The following TRAPPC12 variants were observed in gnomAD, a reference collection of about 807,000 sequenced individuals.
TRAPPC12 encodes the protein trafficking protein particle complex subunit 12.
A neutral mutation model predicts 69.2 loss-of-function variants in TRAPPC12; 61 were observed. That is an observed-to-expected ratio of 0.88 (90% CI 0.72 to 1.09). The LOEUF is 1.09. Ranked by LOEUF, TRAPPC12 falls within the 50% of genes least tolerant of loss-of-function variation. The pLI, the probability that TRAPPC12 is intolerant of heterozygous loss-of-function variation, is 0.00. For missense variants in TRAPPC12, 1,101 were observed against 1,016.4 expected (o/e 1.08, Z -1.13); for synonymous variants, 469 against 438.9 (o/e 1.07, Z -0.86).
At chr2:3,442,375 G>T (rs565959604) in intron 5 of TRAPPC12, among the ~76,000 whole-genome samples, 17 of 152,274 alleles carry the variant, frequency 1.1e-4, no homozygotes, top group African/African-American at 3.4e-4. Context: ...GAAGTGACGT[G>T]GCTTACATAT....
Position 3,386,950 on chromosome 2 carries a change from C to T in TRAPPC12, c.-4-670C>T, listed in dbSNP as rs542825175. Among the ~76,000 whole-genome samples, 15 of 152,182 alleles carry T rather than the reference C, an allele frequency of 9.9e-5. No homozygotes were observed. The South Asian group carries it at 2.9e-3, about 29-fold the overall frequency. On this transcript the variant is annotated intron_variant, in intron 1 of 11. Transcript: ENST00000324266. ...TGGTGGGAATGACAAACGGTTCAGCCACTATGAAAAACAGTTTTTTGGTGC... is the reference window on the plus strand; with the variant it reads ...TGGTGGGAATGACAAACGGTTCAGCTACTATGAAAAACAGTTTTTTGGTGC...
At chr2:3,457,471 G>GT in intron 6 of TRAPPC12, 150 bp from the exon 7 acceptor site, 1 of 644,046 alleles carries the variant, frequency 1.6e-6, no homozygotes, top group East Asian at 2.8e-5. Flanking sequence ...AATATCAAAT[G>GT]TTTTAATATT....
At chr2:3,447,693 C>T (rs1434057681) in intron 6 of TRAPPC12, among the ~76,000 whole-genome samples, 1 of 152,144 alleles carries the variant, frequency 6.6e-6, no homozygotes, top group African/African-American at 2.4e-5. Context: ...TATCATAGTG[C>T]AAAATCTAAA....
rs989152254 is a variant in TRAPPC12, at chr2:3,430,398, A to C, written c.1417+5735A>C. 3.3e-5 allele frequency among the ~76,000 whole-genome samples: 5 copies of C among 152,346 alleles called. 1 individual carries two copies. The highest frequency in any genetic ancestry group is 6.8e-3 in the Middle Eastern group (2 of 294). On this transcript the variant is annotated intron_variant, in intron 5 of 11. Transcript: ENST00000324266. ...GTCAGACTTTCACCAGTGAGTCTAA[A>C]ATTCTACCTCCTGTCGCAACTGACG... is the stretch of plus-strand genomic sequence containing the variant.
intron 1 of TRAPPC12, among the ~76,000 whole-genome samples, chr2:3,382,424 C>T (rs540073659): frequency 4.5e-4 from 69 of 152,104 alleles, no homozygotes; most frequent in South Asian, 8.3e-4. Context: ...TGAGCCACCA[C>T]GCCCAGCCTA....
intron 6 of TRAPPC12, chr2:3,456,452 G>A (rs1665155999): frequency 6.6e-6 from 1 of 152,194 alleles, no homozygotes; most frequent in African/African-American, 2.4e-5. Flanking sequence ...AAAAGCAAGT[G>A]GTAAAACCGG....
At chr2:3,438,538 T>TAC (rs1664010539) in intron 5 of TRAPPC12, among the ~76,000 whole-genome samples, 1 of 48,498 alleles carries the variant, frequency 2.1e-5, no homozygotes, top group South Asian at 7.8e-4. Context: ...CCTGGGTTAA[T>TAC]CCCCACCACC....
chr2:3,454,696 T>C (rs1665041874), intron 6 of TRAPPC12: 1 of 152,448 alleles, frequency 6.6e-6, no homozygotes, highest in African/African-American at 2.4e-5. Context: ...ACCTTTCTCT[T>C]CCTGCTGCCC....
chr2:3,424,609 G>A lies in TRAPPC12; in HGVS notation c.1363G>A (p.Asp455Asn). ...EMEFEPFGNL[D>N]QPDLYYEYYP... Reference sequence around the variant, plus strand: ...GGAATTTGAACCCTTCGGAAATCTTGATCAGCCAGATCTTTATTACGAGTA... The same window carrying A: ...GGAATTTGAACCCTTCGGAAATCTTAATCAGCCAGATCTTTATTACGAGTA... Residue 455 changes from aspartate to asparagine, a missense_variant, in exon 5 of 12, where the codon GAT (aspartate) becomes AAT (asparagine). Coordinates refer to ENST00000324266, the MANE Select transcript of TRAPPC12 (RefSeq NM_016030.6). 1 of 1,614,000 alleles carries A rather than the reference G, an allele frequency of 6.2e-7. No individual in the cohort carries two copies. Among genetic ancestry groups the A allele is most frequent in the Non-Finnish European group, 8.5e-7 (1 of 1,179,974 alleles).
At chr2:3,450,857 C>T (rs1014668422) in intron 6 of TRAPPC12, among the ~76,000 whole-genome samples, 1 of 151,998 alleles carries the variant, frequency 6.6e-6, no homozygotes, top group African/African-American at 2.4e-5. Flanking sequence ...AAACCAGTTC[C>T]CTAAACCTAT....
At chr2:3,410,365 G>T (rs1240636714) in intron 3 of TRAPPC12, among the ~76,000 whole-genome samples, 1 of 152,048 alleles carries the variant, frequency 6.6e-6, no homozygotes, top group Non-Finnish European at 1.5e-5. Context: ...CCAAAGAAAT[G>T]AATAATTAAG....
intron 2 of TRAPPC12, among the ~76,000 whole-genome samples, chr2:3,399,724 G>C (rs1661319466): frequency 6.6e-6 from 1 of 152,142 alleles, no homozygotes; most frequent in African/African-American, 2.4e-5. Flanking sequence ...CTTCTTTTAA[G>C]TGTCACTATT....
chr2:3,465,823 T>C (rs1244810054), intron 9 of TRAPPC12, 128 bp downstream of exon 9: 2 of 715,426 alleles, frequency 2.8e-6, no homozygotes, highest in African/African-American at 1.8e-5. Context: ...TTCAAATGTA[T>C]GTGACCATGA....
intron 6 of TRAPPC12, among the ~76,000 whole-genome samples, chr2:3,448,220 A>G (rs1284831543): frequency 6.6e-6 from 1 of 152,204 alleles, no homozygotes; most frequent in East Asian, 1.9e-4. Context: ...TGAGGCAGCG[A>G]TGGAGCCTGG....
chr2:3,387,718 A>G lies in TRAPPC12; in HGVS notation c.95A>G (p.Gln32Arg), dbSNP rs1403171679. ...APPEEQGLLFQEETIDLGGDE... is the reference protein window; with the variant it reads ...APPEEQGLLFREETIDLGGDE... ...CCGGAGGAGCAGGGGTTGCTCTTCCAGGAGGAAACCATCGATCTTGGCGGA... is the reference window on the plus strand; with the variant it reads ...CCGGAGGAGCAGGGGTTGCTCTTCCGGGAGGAAACCATCGATCTTGGCGGA... The change falls in exon 2 of 12, where the codon CAG becomes CGG. Residue 32 changes from glutamine to arginine, a missense_variant. Transcript: ENST00000324266. The G allele has an allele frequency of 1.1e-5, 18 of 1,600,582 alleles. No individual in the cohort carries two copies. Among genetic ancestry groups the G allele is most frequent in the Admixed American group, 1.7e-5 (1 of 58,546 alleles).
chr2:3,388,790 C>G (rs984719161), intron 2 of TRAPPC12, 120 bp downstream of exon 2: 18 of 1,019,994 alleles, frequency 1.8e-5, no homozygotes, highest in Non-Finnish European at 2.5e-5. Flanking sequence ...TCCTAACATC[C>G]CATTGTGAGC....
intron 1 of TRAPPC12, among the ~76,000 whole-genome samples, chr2:3,380,077 C>G (rs992457405): frequency 2.6e-5 from 4 of 152,214 alleles, no homozygotes; most frequent in South Asian, 4.1e-4. Flanking sequence ...CTCCACGTCG[C>G]CGCGGCCCTT....
intron 3 of TRAPPC12, among the ~76,000 whole-genome samples, chr2:3,408,444 TG>T (rs1349719996): frequency 6.6e-6 from 1 of 152,080 alleles, no homozygotes; most frequent in African/African-American, 2.4e-5. Context: ...CTGGGCAACA[TG>T]GCAAAACCCC....
intron 8 of TRAPPC12, among the ~76,000 whole-genome samples, chr2:3,464,918 G>A (rs760372733): frequency 1.3e-5 from 2 of 152,244 alleles, no homozygotes; most frequent in Non-Finnish European, 2.9e-5. Context: ...AGGGCAGAGC[G>A]ATGAGGAATC....
Sources: allele counts gnomAD v4.1 joint callset (sites outside exome capture counted in the v4.1 genomes callset), GRCh38; gene constraint gnomAD v4.1.1; transcripts MANE v1.5; gene names NCBI Gene and HGNC (gene_info 2026-07-23, HGNC 2026-07-21).